Variants in SH3RF3 observed in about 807,000 individuals in gnomAD.
SH3RF3 encodes the protein E3 ubiquitin-protein ligase SH3RF3.
In SH3RF3, 29 loss-of-function variants were observed where a neutral mutation model predicts 66.3. The ratio of observed to expected loss-of-function variants is 0.44; its 90% CI spans 0.33 to 0.60. The LOEUF (loss-of-function observed/expected upper bound fraction) is 0.60, where lower values mean the gene tolerates loss of function less well. Among genes scored for constraint, SH3RF3 ranks in the 20% least tolerant of loss-of-function variants. The pLI is 0.04. For synonymous variants in SH3RF3, 583 were observed against 532.0 expected (o/e 1.10, Z -1.32); for missense variants, 1,194 against 1,190.9 (o/e 1.00, Z -0.04).
chr2:109,168,443 T>C (rs1017222340), intron 1 of SH3RF3, among the ~76,000 whole-genome samples: 1 of 152,168 alleles, frequency 6.6e-6, no homozygotes, highest in Non-Finnish European at 1.5e-5. Flanking sequence ...GCTTGCGAGA[T>C]GGGCTCTTGG....
intron 1 of SH3RF3, among the ~76,000 whole-genome samples, chr2:109,171,187 A>G (rs1165285614): frequency 1.3e-5 from 2 of 152,142 alleles, no homozygotes; most frequent in Admixed American, 6.5e-5. Flanking sequence ...TGGTTTATTT[A>G]TGTATATAAA....
intron 1 of SH3RF3, among the ~76,000 whole-genome samples, chr2:109,155,456 C>T (rs1184716325): frequency 1.3e-5 from 2 of 152,258 alleles, no homozygotes; most frequent in East Asian, 3.9e-4. Flanking sequence ...GCGCCCACCA[C>T]CACGCCTGGC....
At chr2:109,220,477 GAGTGAAAAGAT>G (rs1679204967) in intron 1 of SH3RF3, among the ~76,000 whole-genome samples, 1 of 152,186 alleles carries the variant, frequency 6.6e-6, no homozygotes, top group Non-Finnish European at 1.5e-5. Context: ...ACCATCAAGA[GAGTGAAAAGAT>G]AACCTAAAGA....
intron 4 of SH3RF3, among the ~76,000 whole-genome samples, chr2:109,403,095 C>T (rs1055305414): frequency 2.6e-5 from 4 of 152,148 alleles, no homozygotes; most frequent in Non-Finnish European, 5.9e-5. Flanking sequence ...TTGGTGTTGT[C>T]TTAAAATAGA....
At chr2:109,482,020 G>A (rs1005664034) in intron 8 of SH3RF3, among the ~76,000 whole-genome samples, 3 of 152,220 alleles carry the variant, frequency 2.0e-5, no homozygotes, top group Admixed American at 1.3e-4. Context: ...TTACTGAATG[G>A]CGTACTGGGG....
chr2:109,430,072 A>C (rs1220538862), intron 5 of SH3RF3, among the ~76,000 whole-genome samples: 2 of 152,176 alleles, frequency 1.3e-5, no homozygotes, highest in East Asian at 1.9e-4. Flanking sequence ...GTCAGCAGCT[A>C]GGGCGTGTTC....
At chr2:109,311,499 T>C (rs1681722368) in intron 1 of SH3RF3, among the ~76,000 whole-genome samples, 1 of 150,314 alleles carries the variant, frequency 6.7e-6, no homozygotes, top group African/African-American at 2.5e-5. Flanking sequence ...CCAGGGCAAT[T>C]AGTCAGGAGA....
In SH3RF3 at chr2:109,175,537, C is replaced by T. The variant is rs1167532160; in HGVS notation, c.573+45424C>T. ...AGCAAACAAGGATGAGCTCATGGCT[C>T]CCCTGAATGAGACCAGCACTGTGGC... On this transcript the variant is annotated intron_variant, in intron 1 of 9. Transcript: ENST00000309415. Among the ~76,000 whole-genome samples the T allele has an allele frequency of 4.6e-5, 7 of 152,200 alleles. No homozygotes were observed. In the East Asian group the frequency reaches 1.3e-3, roughly 29 times the overall value.
intron 1 of SH3RF3, among the ~76,000 whole-genome samples, chr2:109,275,263 C>T (rs1015104829): frequency 7.2e-5 from 11 of 152,146 alleles, no homozygotes; most frequent in African/African-American, 2.7e-4. Flanking sequence ...TCACCCTACC[C>T]TCTCTTGTGA....
intron 1 of SH3RF3, among the ~76,000 whole-genome samples, chr2:109,247,001 C>G (rs1679933711): frequency 6.6e-6 from 1 of 152,242 alleles, no homozygotes; most frequent in Admixed American, 6.5e-5. Flanking sequence ...TAGTCTCTTT[C>G]TGGTCGGACC....
chr2:109,233,071 T>C (rs1408799866), intron 1 of SH3RF3, among the ~76,000 whole-genome samples: 1 of 152,132 alleles, frequency 6.6e-6, no homozygotes, highest in East Asian at 1.9e-4. Context: ...GCTAGTGCTT[T>C]TGGGCTCCAT....
chr2:109,234,733 T>C (rs770455468), intron 1 of SH3RF3, among the ~76,000 whole-genome samples: 56 of 152,256 alleles, frequency 3.7e-4, no homozygotes, highest in Non-Finnish European at 1.2e-4. Flanking sequence ...TGGAGTCTTC[T>C]GTGTGGGAGC....
chr2:109,449,074 G>A (rs528324487), intron 7 of SH3RF3, 96 bp from the exon 8 acceptor site: 212 of 1,424,292 alleles, frequency 1.5e-4, no homozygotes, highest in African/African-American at 1.0e-3. Context: ...GTGAGTGCTC[G>A]AGAAGGGAGC....
At chr2:109,226,162 C>G (rs1466924497) in intron 1 of SH3RF3, among the ~76,000 whole-genome samples, 1 of 152,218 alleles carries the variant, frequency 6.6e-6, no homozygotes, top group Non-Finnish European at 1.5e-5. Flanking sequence ...CAGTTATTAT[C>G]TGTTTCCCAG....
At chr2:109,499,127 G>A (rs1679326877) in intron 9 of SH3RF3, among the ~76,000 whole-genome samples, 1 of 152,286 alleles carries the variant, frequency 6.6e-6, no homozygotes, top group South Asian at 2.1e-4. Flanking sequence ...GGCCCAGAGT[G>A]GGCAGCCGCC....
chr2:109,281,354 CT>C (rs1408753549), intron 1 of SH3RF3, among the ~76,000 whole-genome samples: 1 of 152,206 alleles, frequency 6.6e-6, no homozygotes, highest in African/African-American at 2.4e-5. Flanking sequence ...AGGAATTCTA[CT>C]CTTGGGACTT....
At chr2:109,500,671 A>G (rs9330318) in intron 9 of SH3RF3, among the ~76,000 whole-genome samples, 20,906 of 152,164 alleles carry the variant, frequency 0.14, 1,818 homozygotes, top group East Asian at 0.29. Flanking sequence ...AGGACAGGTT[A>G]GGCACGGTGG....
chr2:109,428,935 T>C (rs1232968115), intron 5 of SH3RF3, among the ~76,000 whole-genome samples: 1 of 152,146 alleles, frequency 6.6e-6, no homozygotes, highest in Admixed American at 6.5e-5. Flanking sequence ...CCCAGGTGCA[T>C]GTGTCTACGA....
Position 109,434,142 on chromosome 2 carries a change from G to A in SH3RF3, c.1574+1471G>A, listed in dbSNP as rs1677332033. Among the ~76,000 whole-genome samples, 2 of 152,218 alleles carry A rather than the reference G, an allele frequency of 1.3e-5. 1 individual carries two copies. The highest frequency in any genetic ancestry group is 4.8e-5 in the African/African-American group (2 of 41,462). ...CAGATGGCTCTTCCAGGAAAGCACA[G>A]GTCACCCCTCTAGGTTAGGGGACTC... is the stretch of plus-strand genomic sequence containing the variant. On this transcript the variant is annotated intron_variant, in intron 6 of 9. Transcript: ENST00000309415.
Sources: gnomAD v4.1 joint callset for allele counts (sites outside exome capture counted in the v4.1 genomes callset) on GRCh38, gnomAD v4.1.1 for gene constraint, MANE v1.5 for transcripts, NCBI Gene and HGNC (gene_info 2026-07-23, HGNC 2026-07-21) for gene names.